ASIC2: variants seen among roughly 807,000 people sequenced by gnomAD.
ASIC2 encodes acid sensing ion channel subunit 2, also known as acid-sensing ion channel 2.
In ASIC2, 25 loss-of-function variants were observed where a neutral mutation model predicts 57.3. The ratio of observed to expected loss-of-function variants is 0.44; its 90% CI spans 0.32 to 0.61. The LOEUF is 0.61. ASIC2 is among the 20% of genes least tolerant of loss of function. The pLI is 0.06. For synonymous variants in ASIC2, 319 were observed against 307.5 expected, an observed-to-expected ratio of 1.04 and a Z score of -0.39; for missense variants, 641 against 738.1, an observed-to-expected ratio of 0.87 and a Z score of 1.52.
Position 33,453,605 on chromosome 17 carries a change from A to G in ASIC2, c.556-341538T>C, listed in dbSNP as rs1410295189. On this transcript the variant is annotated intron_variant, in intron 1 of 9. Coordinates refer to the ASIC2 transcript ENST00000359872. ...TTATGAGGACAATCATAGATTATGT[A>G]TGGTTTTAAAAATCAGCTTTATTGA... Among the ~76,000 whole-genome samples, 7 of 152,330 alleles carry G rather than the reference A, an allele frequency of 4.6e-5. No individual in the cohort carries two copies. The East Asian group carries it at 1.4e-3, about 29-fold the overall frequency.
intron 3 of ASIC2, among the ~76,000 whole-genome samples, chr17:33,075,147 C>T (rs542057200): frequency 3.3e-5 from 5 of 152,204 alleles, no homozygotes; most frequent in South Asian, 2.1e-4. Flanking sequence ...ATCATGGGAG[C>T]GGTTTCCTCC....
intron 1 of ASIC2, among the ~76,000 whole-genome samples, chr17:33,910,888 A>G (rs542173983): frequency 2.0e-5 from 3 of 152,334 alleles, no homozygotes; most frequent in Admixed American, 2.0e-4. Context: ...GAGCTTGTCC[A>G]GTGGAGAGGG....
At chr17:33,122,975 A>C (rs891631952) in intron 1 of ASIC2, among the ~76,000 whole-genome samples, 9 of 151,192 alleles carry the variant, frequency 6.0e-5, no homozygotes, top group African/African-American at 2.2e-4. Flanking sequence ...GCCACTACCG[A>C]AAAGATGAAA....
intron 1 of ASIC2, among the ~76,000 whole-genome samples, chr17:33,761,718 C>T (rs142648933): frequency 4.3e-4 from 65 of 152,234 alleles, no homozygotes; most frequent in African/African-American, 1.5e-3. Flanking sequence ...AAGAGAAGCA[C>T]AGTTGACTCT....
chr17:33,703,367 A>T (rs1908767544), intron 1 of ASIC2, among the ~76,000 whole-genome samples: 1 of 147,978 alleles, frequency 6.8e-6, no homozygotes, highest in African/African-American at 2.5e-5. Context: ...GTTGTTGTTG[A>T]GACAAGGTCT....
At chr17:33,549,104 T>A (rs548862056) in intron 1 of ASIC2, among the ~76,000 whole-genome samples, 1 of 152,202 alleles carries the variant, frequency 6.6e-6, no homozygotes, top group African/African-American at 2.4e-5. Flanking sequence ...GTTTCCTTGA[T>A]GCATTGCAGC....
chr17:33,064,303 G>A (rs921434465), intron 3 of ASIC2, among the ~76,000 whole-genome samples: 2 of 152,152 alleles, frequency 1.3e-5, no homozygotes, highest in African/African-American at 4.8e-5. Context: ...ATCTACCTTT[G>A]GTGTTTGATG....
chr17:33,948,319 T>A (rs568751889), intron 1 of ASIC2, among the ~76,000 whole-genome samples: 1 of 152,252 alleles, frequency 6.6e-6, no homozygotes, highest in African/African-American at 2.4e-5. Flanking sequence ...CCAGAGAGAC[T>A]GGCTGGAGTG....
intron 2 of ASIC2, among the ~76,000 whole-genome samples, chr17:33,100,644 A>G (rs975112971): frequency 1.3e-5 from 2 of 152,184 alleles, no homozygotes; most frequent in African/African-American, 4.8e-5. Context: ...GGGTGAATAC[A>G]TTTCCATCTA....
intron 1 of ASIC2, among the ~76,000 whole-genome samples, chr17:33,504,866 A>AG (rs1345100054): frequency 6.6e-6 from 1 of 152,142 alleles, no homozygotes; most frequent in Non-Finnish European, 1.5e-5. Context: ...CATTGTTCCT[A>AG]GCTGTCAGAG....
At chr17:33,944,452 T>C (rs1356048777) in intron 1 of ASIC2, among the ~76,000 whole-genome samples, 1 of 152,150 alleles carries the variant, frequency 6.6e-6, no homozygotes, top group Non-Finnish European at 1.5e-5. Flanking sequence ...GAGAGGAGAC[T>C]GGTGCTCACA....
intron 1 of ASIC2, among the ~76,000 whole-genome samples, chr17:34,115,523 T>G (rs1472154337): frequency 6.6e-6 from 1 of 152,238 alleles, no homozygotes; most frequent in Non-Finnish European, 1.5e-5. Context: ...GTTGAAGAGA[T>G]GAAGGCCATT....
chr17:33,268,260 C>A (rs938332481), intron 1 of ASIC2, among the ~76,000 whole-genome samples: 16 of 152,112 alleles, frequency 1.1e-4, no homozygotes, highest in African/African-American at 3.6e-4. Context: ...TAGCCAAGAT[C>A]AGCTTCTATT....
chr17:33,331,221 T>G (rs1907300248), intron 1 of ASIC2, among the ~76,000 whole-genome samples: 1 of 152,210 alleles, frequency 6.6e-6, no homozygotes, highest in Admixed American at 6.5e-5. Flanking sequence ...CCACCCACCC[T>G]GCCAACCCAG....
rs953390160 is a variant in ASIC2, at chr17:34,038,796, G to A, written c.555+117182C>T. 7 of 1,611,712 alleles carry A rather than the reference G, an allele frequency of 4.3e-6. No homozygotes were observed. The African/African-American group carries it at 6.7e-5, about 15-fold the overall frequency. ...TTGGTCTTGCTTTTCCACTGTTTCTGCTCATTGGTTGCAGGAGGGGCCTGA... is the reference window on the plus strand; with the variant it reads ...TTGGTCTTGCTTTTCCACTGTTTCTACTCATTGGTTGCAGGAGGGGCCTGA... On this transcript the variant is annotated intron_variant, in intron 1 of 9. Coordinates refer to the ASIC2 transcript ENST00000359872.
At chr17:33,492,278 C>G (rs1177764250) in intron 1 of ASIC2, among the ~76,000 whole-genome samples, 1 of 152,190 alleles carries the variant, frequency 6.6e-6, no homozygotes, top group African/African-American at 2.4e-5. Context: ...AAACTGAGCA[C>G]AGGCCATGAT....
At chr17:33,275,458 A>C (rs1904667094) in intron 1 of ASIC2, among the ~76,000 whole-genome samples, 1 of 152,240 alleles carries the variant, frequency 6.6e-6, no homozygotes, top group East Asian at 1.9e-4. Context: ...TACAGGTATC[A>C]ATTAATGACT....
intron 1 of ASIC2, among the ~76,000 whole-genome samples, chr17:33,258,778 C>A (rs1278792074): frequency 6.6e-6 from 1 of 152,158 alleles, no homozygotes; most frequent in Non-Finnish European, 1.5e-5. Flanking sequence ...AATAACTTCC[C>A]AGAAGTGGCC....
intron 3 of ASIC2, among the ~76,000 whole-genome samples, chr17:33,030,286 A>G (rs2091877494): frequency 6.6e-6 from 1 of 152,096 alleles, no homozygotes; most frequent in South Asian, 2.1e-4. Context: ...CTCCCTGCCA[A>G]CCCTCAGGCA....
Sources: allele counts gnomAD v4.1 joint callset (sites outside exome capture counted in the v4.1 genomes callset), GRCh38; gene constraint gnomAD v4.1.1; transcripts MANE v1.5; gene names NCBI Gene and HGNC (gene_info 2026-07-23, HGNC 2026-07-21).